The following PRKACA variants were observed in gnomAD, a reference collection of about 807,000 sequenced individuals.
PRKACA encodes the protein cAMP-dependent protein kinase catalytic subunit alpha.
In PRKACA, 9 loss-of-function variants were observed where a neutral mutation model predicts 45.8. That is an observed-to-expected ratio of 0.20 (90% confidence interval 0.12 to 0.34). The LOEUF is 0.34. Ranked by LOEUF, PRKACA falls within the 10% of genes least tolerant of loss-of-function variation. The pLI is 1.00. For missense variants in PRKACA, 238 were observed against 458.6 expected (o/e 0.52, Z 4.39); for synonymous variants, 160 against 178.6 (o/e 0.90, Z 0.83).
At chr19:14,105,526 A>AT (rs2144469788) in intron 3 of PRKACA, among the ~76,000 whole-genome samples, 1 of 151,624 alleles carries the variant, frequency 6.6e-6, no homozygotes, top group South Asian at 2.1e-4. Context: ...AAAAAAAAAC[A>AT]TAAAAAAAAG....
chr19:14,109,995 TATATACAC>T (rs1317903778), intron 1 of PRKACA, among the ~76,000 whole-genome samples: 1 of 79,626 alleles, frequency 1.3e-5, no homozygotes, highest in African/African-American at 7.0e-5. Flanking sequence ...TATATATATA[TATATACAC>T]ACACACACAC....
intron 8 of PRKACA, among the ~76,000 whole-genome samples, chr19:14,094,706 C>T (rs1977193232): frequency 6.6e-6 from 1 of 152,176 alleles, no homozygotes; most frequent in African/African-American, 2.4e-5. Context: ...GCATTCTCAG[C>T]TGCTGCTGCT....
intron 1 of PRKACA, among the ~76,000 whole-genome samples, chr19:14,111,729 T>C (rs1385744350): frequency 6.6e-6 from 1 of 152,216 alleles, no homozygotes; most frequent in Non-Finnish European, 1.5e-5. Flanking sequence ...CATGAGCCAC[T>C]GTGCCTGGCT....
chr19:14,111,397 C>CA (rs543039915), intron 1 of PRKACA, among the ~76,000 whole-genome samples: 6,284 of 128,054 alleles, frequency 0.049, 408 homozygotes, highest in African/African-American at 0.16. Context: ...AACTCTGTCT[C>CA]AAAAAAAAAA....
At chr19:14,103,987 T>C (rs1977523965) in intron 3 of PRKACA, among the ~76,000 whole-genome samples, 1 of 151,702 alleles carries the variant, frequency 6.6e-6, no homozygotes, top group African/African-American at 2.4e-5. Context: ...GGTGGGAGGA[T>C]CATTTGAGCC....
chr19:14,115,874 C>A (rs776880696), intron 1 of PRKACA, among the ~76,000 whole-genome samples: 9 of 151,632 alleles, frequency 5.9e-5, no homozygotes, highest in Admixed American at 1.3e-4. Flanking sequence ...CTGACTCCTC[C>A]CCCCCCGGCC....
chr19:14,095,016 G>A (rs1005611945), intron 8 of PRKACA, among the ~76,000 whole-genome samples: 20 of 152,368 alleles, frequency 1.3e-4, no homozygotes, highest in African/African-American at 4.6e-4. Context: ...ATGTGGGGCA[G>A]ATATGCCAGG....
At chr19:14,115,369 T>G (rs1256581511) in intron 1 of PRKACA, among the ~76,000 whole-genome samples, 1 of 152,214 alleles carries the variant, frequency 6.6e-6, no homozygotes, top group African/African-American at 2.4e-5. Context: ...AGTAAAAATC[T>G]GGGAGGCTGC....
intron 2 of PRKACA, 82 bp from the exon 3 acceptor site, chr19:14,106,970 A>G (rs974602405): frequency 1.3e-6 from 2 of 1,549,812 alleles, no homozygotes; most frequent in Middle Eastern, 2.3e-4. Flanking sequence ...CCCCTCTGCC[A>G]CCGGCAGAGG....
chr19:14,093,724 G>A lies in PRKACA; in HGVS notation c.834C>T (p.Leu278=). 6.2e-7 allele frequency: 1 copy of A among 1,614,150 alleles called. No homozygotes were observed. ...TCTTGAGGTTCCCAAAGCGCTTGGT[G>A]AGATCTACCTGCAGGAGGTTCCGCA... ...DLLRNLLQVD[L]TKRFGNLKNG... Residue 278 remains leucine (L), a synonymous_variant, in exon 9 of 10, where the codon CTC becomes CTT. Coordinates refer to ENST00000308677, the MANE Select transcript of PRKACA (RefSeq NM_002730.4).
chr19:14,115,112 C>G (rs1967081110), intron 1 of PRKACA: 24 of 985,382 alleles, frequency 2.4e-5, no homozygotes, highest in Non-Finnish European at 2.9e-5. Context: ...CTCTGGGAGC[C>G]TCTGGGAGGA....
intron 1 of PRKACA, among the ~76,000 whole-genome samples, chr19:14,110,485 T>C (rs900666069): frequency 6.6e-6 from 1 of 151,820 alleles, no homozygotes; most frequent in South Asian, 2.1e-4. Flanking sequence ...GGTGGGAGGA[T>C]TGTTCAAGCC....
At chr19:14,108,813 C>A (rs1204786854) in intron 1 of PRKACA, among the ~76,000 whole-genome samples, 1 of 150,814 alleles carries the variant, frequency 6.6e-6, no homozygotes, top group Non-Finnish European at 1.5e-5. Flanking sequence ...CTGCAACCTC[C>A]GCCTCCCAGG....
Position 14,100,807 on chromosome 19 carries a change from T to G in PRKACA, c.419+19A>C, listed in dbSNP as rs1977419605. On this transcript the variant is annotated intron_variant, in intron 5 of 9. Coordinates refer to ENST00000308677, the MANE Select transcript of PRKACA (RefSeq NM_002730.4). ...TGGACACCCTGACAGCCTGATGTGA[T>G]GGGGGGTGGCCCGCTTACCTGAACC... 1 of 1,612,940 alleles carries G rather than the reference T, an allele frequency of 6.2e-7. No individual in the cohort carries two copies. The highest frequency in any genetic ancestry group is 8.5e-7 in the Non-Finnish European group (1 of 1,178,972).
intron 4 of PRKACA, 32 bp from the exon 5 acceptor site, chr19:14,100,940 C>A (rs748432432): frequency 1.9e-6 from 3 of 1,600,220 alleles, no homozygotes; most frequent in East Asian, 4.5e-5. Context: ...CAAGGGCCCA[C>A]CCCTGAGACT....
chr19:14,095,983 C>T (rs569946341), intron 8 of PRKACA, among the ~76,000 whole-genome samples: 86 of 151,636 alleles, frequency 5.7e-4, no homozygotes, highest in African/African-American at 1.7e-3. Flanking sequence ...CTCACCCTCC[C>T]GATGAGCTGG....
chr19:14,100,960 T>C, intron 4 of PRKACA, 52 bp from the exon 5 acceptor site: 1 of 1,535,228 alleles, frequency 6.5e-7, no homozygotes, highest in Non-Finnish European at 9.0e-7. Flanking sequence ...TTGGACCCGA[T>C]CTGAAGGCCT....
intron 8 of PRKACA, chr19:14,096,718 C>T (rs1977270371): frequency 6.1e-6 from 1 of 163,742 alleles, no homozygotes; most frequent in Non-Finnish European, 1.4e-5. Context: ...TGATTACCTA[C>T]TCACCAAAGT....
intron 5 of PRKACA, among the ~76,000 whole-genome samples, chr19:14,099,840 T>C (rs1034474485): frequency 1.3e-5 from 2 of 151,936 alleles, no homozygotes; most frequent in Admixed American, 6.6e-5. Context: ...AATAATAGTA[T>C]AATTTTTATT....
Sources: allele counts gnomAD v4.1 joint callset (sites outside exome capture counted in the v4.1 genomes callset), GRCh38; gene constraint gnomAD v4.1.1; transcripts MANE v1.5; gene names NCBI Gene and HGNC (gene_info 2026-07-23, HGNC 2026-07-21).